TUSC3: variants seen among roughly 807,000 people sequenced by gnomAD.
TUSC3 encodes the protein dolichyl-diphosphooligosaccharide--protein glycosyltransferase subunit TUSC3.
A neutral mutation model predicts 44.8 loss-of-function variants in TUSC3; 45 were observed. That is an observed-to-expected ratio of 1.00 (90% confidence interval 0.79 to 1.29). The LOEUF is 1.29. Among genes scored for constraint, TUSC3 ranks in the 50% most tolerant of loss-of-function variants. The pLI is 0.00. For synonymous variants in TUSC3, 212 were observed against 152.9 expected (o/e 1.39, Z -2.85); for missense variants, 519 against 437.9 (o/e 1.19, Z -1.65).
intron 6 of TUSC3, among the ~76,000 whole-genome samples, chr8:15,678,939 T>C (rs746163935): frequency 1.8e-4 from 27 of 152,206 alleles, no homozygotes; most frequent in Non-Finnish European, 3.4e-4. Flanking sequence ...TTGGAGGACA[T>C]GATTTTATTG....
the TUSC3 span, among the ~76,000 whole-genome samples, chr8:15,833,994 A>G: frequency 3.9e-5 from 6 of 151,900 alleles, no homozygotes; most frequent in African/African-American, 7.3e-5. Flanking sequence ...ATTCAAATTT[A>G]TTTCTACACA....
the TUSC3 span, among the ~76,000 whole-genome samples, chr8:15,793,042 C>T: frequency 6.6e-6 from 1 of 152,086 alleles, no homozygotes; most frequent in Non-Finnish European, 1.5e-5. Flanking sequence ...CTTCTCCCAA[C>T]AACCAATTCT....
the TUSC3 span, among the ~76,000 whole-genome samples, chr8:15,780,709 A>G: frequency 1.3e-5 from 2 of 152,184 alleles, no homozygotes; most frequent in African/African-American, 4.8e-5. Context: ...CACCCCAGCA[A>G]TAACTTCAGG....
At chr8:15,500,746 T>C (rs1234427594) in intron 2 of TUSC3, among the ~76,000 whole-genome samples, 1 of 152,176 alleles carries the variant, frequency 6.6e-6, no homozygotes, top group Non-Finnish European at 1.5e-5. Flanking sequence ...GAAACATCAG[T>C]AGATAAATCA....
the TUSC3 span, among the ~76,000 whole-genome samples, chr8:15,844,847 A>G: frequency 7.2e-5 from 11 of 152,150 alleles, no homozygotes; most frequent in Admixed American, 4.6e-4. Context: ...TTTTACATTA[A>G]AGCAATTTAA....
At chr8:15,805,294 T>G in the TUSC3 span, among the ~76,000 whole-genome samples, 1 of 152,120 alleles carries the variant, frequency 6.6e-6, no homozygotes, top group East Asian at 1.9e-4. Context: ...TAATTTGACT[T>G]CTCCTTTCCT....
chr8:15,567,357 T>C (rs1025057251), intron 1 of TUSC3, among the ~76,000 whole-genome samples: 1 of 152,174 alleles, frequency 6.6e-6, no homozygotes, highest in Non-Finnish European at 1.5e-5. Flanking sequence ...CACAGTAGTT[T>C]AAAACGTTTT....
intron 6 of TUSC3, among the ~76,000 whole-genome samples, chr8:15,728,403 G>A (rs1318341021): frequency 7.0e-6 from 1 of 143,102 alleles, no homozygotes; most frequent in Non-Finnish European, 1.5e-5. Flanking sequence ...AATTTGGAAT[G>A]GATTTTGAAA....
intron 2 of TUSC3, among the ~76,000 whole-genome samples, chr8:15,632,470 T>G (rs1451996261): frequency 6.6e-6 from 1 of 152,202 alleles, no homozygotes; most frequent in African/African-American, 2.4e-5. Flanking sequence ...AGGGTGATGG[T>G]TGTCAGATCT....
the TUSC3 span, among the ~76,000 whole-genome samples, chr8:15,816,421 A>C: frequency 6.6e-6 from 1 of 152,154 alleles, no homozygotes; most frequent in African/African-American, 2.4e-5. Flanking sequence ...CCATTTATTA[A>C]TAATTCTGAT....
rs532921236 is a variant in TUSC3, at chr8:15,467,324, C to T, written n.92-16062C>T. ...GTGTCTGAGCTTTTCTCTATCTTCT[C>T]TCACAATAATCCTCCTACATCTTGA... On this transcript the variant is annotated intron_variant and non_coding_transcript_variant, in intron 1 of 5. Transcript: ENST00000503191. 1.5e-4 allele frequency among the ~76,000 whole-genome samples: 22 copies of T among 150,200 alleles called. 1 individual carries two copies. Among genetic ancestry groups the T allele is most frequent in the African/African-American group, 5.1e-4 (21 of 40,954 alleles).
At chr8:15,647,505 G>A (rs1487894494) in intron 2 of TUSC3, among the ~76,000 whole-genome samples, 5 of 151,810 alleles carry the variant, frequency 3.3e-5, no homozygotes, top group South Asian at 2.1e-4. Flanking sequence ...TTTTCATCTC[G>A]AAGTCTAAAA....
chr8:15,593,854 C>T (rs374686902), intron 1 of TUSC3, among the ~76,000 whole-genome samples: 1 of 152,016 alleles, frequency 6.6e-6, no homozygotes, highest in Non-Finnish European at 1.5e-5. Context: ...TAACTGCTGC[C>T]ATCTCCTTTT....
chr8:15,809,517 A>C, the TUSC3 span, among the ~76,000 whole-genome samples: 381 of 152,320 alleles, frequency 2.5e-3, no homozygotes, highest in Admixed American at 5.2e-3. Flanking sequence ...CTGAAACTGT[A>C]GATTGTATCT....
chr8:15,794,131 T>C, the TUSC3 span, among the ~76,000 whole-genome samples: 1 of 152,164 alleles, frequency 6.6e-6, no homozygotes, highest in Non-Finnish European at 1.5e-5. Context: ...TACATTCTAC[T>C]ATGTAATGCA....
intron 2 of TUSC3, among the ~76,000 whole-genome samples, chr8:15,509,497 A>C (rs1174730146): frequency 1.3e-5 from 2 of 151,956 alleles, no homozygotes; most frequent in Non-Finnish European, 2.9e-5. Context: ...AATCCCAGCT[A>C]CTCGGGAGGC....
At chr8:15,440,795 GA>G (rs1463130124) in intron 1 of TUSC3, among the ~76,000 whole-genome samples, 1 of 152,160 alleles carries the variant, frequency 6.6e-6, no homozygotes, top group African/African-American at 2.4e-5. Context: ...GAACTACTGG[GA>G]AGAGAGAGAC....
At chr8:15,775,962 A>G in the TUSC3 span, among the ~76,000 whole-genome samples, 2 of 151,862 alleles carry the variant, frequency 1.3e-5, no homozygotes, top group Non-Finnish European at 2.9e-5. Flanking sequence ...TTAATATTTA[A>G]ATAATGGGGA....
intron 6 of TUSC3, among the ~76,000 whole-genome samples, chr8:15,728,531 GAC>G (rs1810590507): frequency 6.6e-6 from 1 of 152,034 alleles, no homozygotes; most frequent in Non-Finnish European, 1.5e-5. Context: ...TAAGGACAGA[GAC>G]ACAAAGGTGA....
Sources: allele counts gnomAD v4.1 joint callset (sites outside exome capture counted in the v4.1 genomes callset), GRCh38; gene constraint gnomAD v4.1.1; transcripts MANE v1.5; gene names NCBI Gene and HGNC (gene_info 2026-07-23, HGNC 2026-07-21).